SLC9A6: variants seen among roughly 807,000 people sequenced by gnomAD.
SLC9A6 encodes the protein solute carrier family 9 member A6.
A neutral mutation model predicts 45.3 loss-of-function variants in SLC9A6; 6 were observed. The ratio of observed to expected loss-of-function variants is 0.13; its 90% confidence interval spans 0.07 to 0.26. SLC9A6 has a LOEUF of 0.26. Ranked by LOEUF, SLC9A6 falls within the 10% of genes least tolerant of loss-of-function variation. SLC9A6 has a pLI of 1.00. For missense variants in SLC9A6, 278 were observed against 503.7 expected (o/e 0.55, Z 4.29); for synonymous variants, 191 against 187.7 (o/e 1.02, Z -0.14).
intron 14 of SLC9A6, 124 bp from the exon 15 acceptor site, chrX:136,030,008 C>A (rs2071291469): frequency 2.9e-6 from 2 of 687,612 alleles, no homozygotes; most frequent in East Asian, 6.6e-5. Context: ...TATAGAGAAG[C>A]AAGAAAACAT....
intron 17 of SLC9A6, among the ~76,000 whole-genome samples, chrX:136,041,310 C>T (rs922627379): frequency 1.8e-5 from 2 of 111,191 alleles, no homozygotes; most frequent in Non-Finnish European, 3.8e-5. Context: ...CCTCCCTCCC[C>T]GTGCCCCCAT....
chrX:136,024,053 A>G (rs1335128428), intron 12 of SLC9A6, among the ~76,000 whole-genome samples: 5 of 110,396 alleles, frequency 4.5e-5, no homozygotes, highest in African/African-American at 1.3e-4. Flanking sequence ...TGGCTGGCTG[A>G]TTTTTGTATT....
rs782815441 is a variant in SLC9A6, at chrX:135,975,363, T to C, written c.-57+580T>C. 2.7e-5 allele frequency: 3 copies of C among 112,658 alleles called. No homozygotes were observed. In the East Asian group the frequency reaches 8.4e-4, roughly 31 times the overall value. The allele number at this position is 112,658 out of a possible 1,213,427, so 9.3% of individuals were successfully genotyped here. On this transcript the variant is annotated intron_variant, in intron 1 of 16. Transcript: ENST00000636092. ...ATCAGAATTCTACGTTTTAGTTGCA[T>C]CAATTTGCTTTTGCTCAAAGATGCG...
At chrX:135,975,572 G>T (rs1212686488) in intron 1 of SLC9A6, among the ~76,000 whole-genome samples, 1 of 112,172 alleles carries the variant, frequency 8.9e-6, no homozygotes, top group Non-Finnish European at 1.9e-5. Context: ...AGATTTCTCT[G>T]TACCTAAAAC....
At chrX:135,975,147 T>C (rs1198482978) in intron 1 of SLC9A6, 1 of 112,787 alleles carries the variant, frequency 8.9e-6, no homozygotes, top group Non-Finnish European at 1.9e-5. Context: ...CAGGGCTGCA[T>C]TTCTGACTAC....
intron 6 of SLC9A6, among the ~76,000 whole-genome samples, 185 bp downstream of exon 6, chrX:135,999,153 T>C (rs1261460792): frequency 1.8e-5 from 2 of 110,326 alleles, no homozygotes; most frequent in African/African-American, 3.3e-5. Context: ...AAATTTGTTT[T>C]CCTTTTCCTT....
chrX:136,041,580 CTG>C (rs2148213302), intron 17 of SLC9A6, among the ~76,000 whole-genome samples: 1 of 111,557 alleles, frequency 9.0e-6, no homozygotes, highest in Non-Finnish European at 1.9e-5. Context: ...ACCCACATAA[CTG>C]TGCAGAGAAG....
intron 15 of SLC9A6, among the ~76,000 whole-genome samples, chrX:136,031,665 C>T (rs1319303088): frequency 9.1e-6 from 1 of 109,866 alleles, no homozygotes; most frequent in African/African-American, 3.3e-5. Context: ...TCTGGAAAAA[C>T]AAAAACAAAA....
intron 12 of SLC9A6, among the ~76,000 whole-genome samples, chrX:136,023,628 C>T (rs1556620203): frequency 1.8e-5 from 2 of 109,337 alleles, no homozygotes; most frequent in African/African-American, 6.7e-5. Flanking sequence ...TCAGTGGTTG[C>T]CAGGGGTTTG....
At chrX:136,014,562 C>G (rs1421545283) in intron 10 of SLC9A6, among the ~76,000 whole-genome samples, 4 of 112,577 alleles carry the variant, frequency 3.6e-5, no homozygotes, top group African/African-American at 1.3e-4. Context: ...GTCAGAAGTT[C>G]GAGACCAGCC....
intron 16 of SLC9A6, among the ~76,000 whole-genome samples, chrX:136,033,892 G>T (rs1464802335): frequency 8.9e-6 from 1 of 111,912 alleles, no homozygotes; most frequent in African/African-American, 3.2e-5. Context: ...AAAAGCATGA[G>T]AATGAAATCA....
At chrX:135,981,689 C>T (rs889231907), upstream of SLC9A6, among the ~76,000 whole-genome samples, 1 of 111,806 alleles carries the variant, frequency 8.9e-6, no homozygotes, top group African/African-American at 3.3e-5. Context: ...GAAATAAGCA[C>T]AGGATATAAG....
intron 2 of SLC9A6, 134 bp from the exon 3 acceptor site, chrX:135,994,652 G>A: frequency 1.7e-6 from 1 of 580,681 alleles, no homozygotes; most frequent in Non-Finnish European, 3.0e-6. Flanking sequence ...AAACATAACT[G>A]CATTTCATCT....
chrX:135,994,271 A>AT (rs2089470431), intron 2 of SLC9A6, among the ~76,000 whole-genome samples: 1 of 109,377 alleles, frequency 9.1e-6, no homozygotes, highest in Non-Finnish European at 1.9e-5. Flanking sequence ...CGCCCGGCTG[A>AT]TTTTTTGTAT....
intron 7 of SLC9A6, among the ~76,000 whole-genome samples, chrX:136,006,005 G>A (rs1383570194): frequency 8.9e-6 from 1 of 112,018 alleles, no homozygotes; most frequent in Non-Finnish European, 1.9e-5. Flanking sequence ...CCCAAAAGCT[G>A]AAGGGAAAGC....
chrX:136,025,843 T>C (rs2071215834), intron 13 of SLC9A6, among the ~76,000 whole-genome samples: 1 of 111,916 alleles, frequency 8.9e-6, no homozygotes, highest in South Asian at 3.7e-4. Context: ...CATCAAATAA[T>C]GGTCATGGTA....
chrX:135,993,495 G>A (rs2089460645), intron 2 of SLC9A6, among the ~76,000 whole-genome samples: 1 of 112,016 alleles, frequency 8.9e-6, no homozygotes, highest in African/African-American at 3.2e-5. Flanking sequence ...GATCAATATA[G>A]TTTTATAGGG....
chrX:136,020,531 C>T (rs782777861), intron 11 of SLC9A6, among the ~76,000 whole-genome samples: 28 of 110,544 alleles, frequency 2.5e-4, no homozygotes, highest in Non-Finnish European at 4.4e-4. Flanking sequence ...CCACCACGCC[C>T]GGCTAATTTT....
chrX:136,010,423 A>G lies in SLC9A6; in HGVS notation c.744-19A>G. On this transcript the variant is annotated intron_variant, in intron 7 of 17. Coordinates refer to ENST00000630721, the MANE Select transcript of SLC9A6 (RefSeq NM_001379110.1). ...AGTAAAGGTTGTTTTCAGAAGTAAA[A>G]GCAGTCTCTCTTCTGTAGCTCAATA... 8.3e-7 allele frequency: 1 copy of G among 1,209,029 alleles called. No homozygotes were observed. Among genetic ancestry groups the G allele is most frequent in the Non-Finnish European group, 1.1e-6 (1 of 893,277 alleles).
Sources: allele counts gnomAD v4.1 joint callset (sites outside exome capture counted in the v4.1 genomes callset), GRCh38; gene constraint gnomAD v4.1.1; transcripts MANE v1.5; gene names NCBI Gene and HGNC (gene_info 2026-07-23, HGNC 2026-07-21).